SNRPD3: variants seen among roughly 807,000 people sequenced by gnomAD.
The protein encoded by SNRPD3 is small nuclear ribonucleoprotein Sm D3.
For missense variants in SNRPD3, 73 were observed against 167.5 expected (o/e 0.44, Z 3.11); for synonymous variants, 66 against 58.4 (o/e 1.13, Z -0.59).
Position 24,568,128 on chromosome 22 carries a change from C to G in SNRPD3, c.271C>G (p.Gln91Glu). ...GTTAAAGAGCATGAAAAATAAAAAC[C>G]AAGGCTCAGGGGCTGGCCGAGGAAA... ...PMLKSMKNKN[Q>E]GSGAGRGKAA... Residue 91 changes from glutamine (Q) to glutamate (E), a missense_variant, in exon 3 of 4, where the codon CAA becomes GAA. Physicochemically the swap from Gln to Glu is conservative, Grantham distance 29. Transcript: ENST00000215829. 6.2e-7 allele frequency: 1 copy of G among 1,614,006 alleles called. No homozygotes were observed. Among genetic ancestry groups the G allele is most frequent in the Non-Finnish European group, 8.5e-7 (1 of 1,179,954 alleles).
rs1330720526 is a variant in SNRPD3, at chr22:24,573,829, T to C, written c.*1852T>C. 6.6e-6 allele frequency among the ~76,000 whole-genome samples: 1 copy of C among 152,178 alleles called. No homozygotes were observed. Among genetic ancestry groups the C allele is most frequent in the East Asian group, 1.9e-4 (1 of 5,202 alleles). On this transcript the variant is annotated 3_prime_UTR_variant, in exon 4 of 4. Coordinates refer to ENST00000215829, the MANE Select transcript of SNRPD3 (RefSeq NM_004175.5). ...CCAGGAGATTAAGGCTGCAGTGAGCTATAATTGCACCACTGCACTCCAGCC... is the reference window on the plus strand; with the variant it reads ...CCAGGAGATTAAGGCTGCAGTGAGCCATAATTGCACCACTGCACTCCAGCC...
In SNRPD3 at chr22:24,572,623, C is replaced by A. The variant is rs1006541657; in HGVS notation, c.*646C>A. ...TAAAAATAAAAAAATTAGCCGGGTG[C>A]GGTGGCATGTACCTGTAGTCCCAGC... On this transcript the variant is annotated 3_prime_UTR_variant, in exon 4 of 4. Transcript: ENST00000215829. 1.8e-5 allele frequency: 3 copies of A among 164,780 alleles called. No homozygotes were observed. The highest frequency in any genetic ancestry group is 7.2e-5 in the African/African-American group (3 of 41,434). The allele number at this position is 164,780 out of a possible 1,614,324, so 10.2% of individuals were successfully genotyped here.
At chr22:24,563,387 A>C (rs1338467470) in intron 2 of SNRPD3, among the ~76,000 whole-genome samples, 2 of 152,028 alleles carry the variant, frequency 1.3e-5, no homozygotes, top group South Asian at 2.1e-4. Flanking sequence ...TTATCGGGTC[A>C]GAGGGTGTGC....
intron 2 of SNRPD3, among the ~76,000 whole-genome samples, chr22:24,558,747 G>A (rs2045104053): frequency 2.0e-5 from 3 of 152,336 alleles, no homozygotes; most frequent in Admixed American, 6.5e-5. Context: ...CTACAGCGTA[G>A]TTTTGAGGAA....
intron 2 of SNRPD3, 42 bp downstream of exon 2, chr22:24,557,842 C>A: frequency 6.3e-7 from 1 of 1,577,138 alleles, no homozygotes; most frequent in South Asian, 1.2e-5. Flanking sequence ...AGGAATGGCC[C>A]TGTGTCTTGA....
intron 2 of SNRPD3, among the ~76,000 whole-genome samples, chr22:24,567,673 G>A (rs2045208823): frequency 6.6e-6 from 1 of 152,054 alleles, no homozygotes; most frequent in Non-Finnish European, 1.5e-5. Context: ...TTGAACCCGG[G>A]AGGCAGAGGT....
At chr22:24,566,649 C>A (rs2045199187) in intron 2 of SNRPD3, among the ~76,000 whole-genome samples, 1 of 152,250 alleles carries the variant, frequency 6.6e-6, no homozygotes, top group African/African-American at 2.4e-5. Context: ...AAGATGGCAG[C>A]TAGCCAGACA....
chr22:24,572,157 G>C lies in SNRPD3; in HGVS notation c.*180G>C, dbSNP rs1335640154. ...TTCTGTTTTGTTTTGTTTTCTTTGA[G>C]AAAATAAGGACTTTGTGTTCATTTG... On this transcript the variant is annotated 3_prime_UTR_variant, in exon 4 of 4. Transcript: ENST00000215829. 1 of 1,241,140 alleles carries C rather than the reference G, an allele frequency of 8.1e-7. No individual in the cohort carries two copies. Among genetic ancestry groups the C allele is most frequent in the African/African-American group, 1.5e-5 (1 of 65,846 alleles). The allele number at this position is 1,241,140 out of a possible 1,614,324, so 76.9% of individuals were successfully genotyped here.
Position 24,571,601 on chromosome 22 carries a change from G to A in SNRPD3, c.320-315G>A, listed in dbSNP as rs552704746. On this transcript the variant is annotated intron_variant, in intron 3 of 3. Transcript: ENST00000215829. ...TAAAAATACAGGAAATTAGCCGGGCGTTGTGGTTCACGGCTGTAGTCCCAG... is the reference window on the plus strand; with the variant it reads ...TAAAAATACAGGAAATTAGCCGGGCATTGTGGTTCACGGCTGTAGTCCCAG... 2.6e-5 allele frequency among the ~76,000 whole-genome samples: 4 copies of A among 152,178 alleles called. No homozygotes were observed. In the South Asian group the frequency reaches 8.3e-4, roughly 32 times the overall value.
chr22:24,572,449 CTT>C lies in SNRPD3; in HGVS notation c.*474_*475del, dbSNP rs1159642766. The C allele has an allele frequency of 2.1e-5, 7 of 329,134 alleles. No individual in the cohort carries two copies. In the East Asian group the frequency reaches 5.1e-4, roughly 24 times the overall value. 20.4% of individuals were successfully genotyped at this position (329,134 alleles called of 1,614,324 possible). ...CTCAGCTTTAACAACACAGGTGACT[CTT>C]TCCCTTGATAAAGTCATAGGTAATT... On this transcript the variant is annotated 3_prime_UTR_variant, in exon 4 of 4. Transcript: ENST00000215829.
At chr22:24,557,863 AGT>A (rs2045094521) in intron 2 of SNRPD3, 63 bp downstream of exon 2, 2 of 1,517,466 alleles carry the variant, frequency 1.3e-6, no homozygotes, top group Non-Finnish European at 1.8e-6. Context: ...AGGACAGAAA[AGT>A]GTGTGTTGAG....
chr22:24,571,721 G>T (rs553685885), intron 3 of SNRPD3, among the ~76,000 whole-genome samples, 195 bp from the exon 4 acceptor site: 1 of 151,748 alleles, frequency 6.6e-6, no homozygotes, highest in African/African-American at 2.4e-5. Context: ...TCCAGCCTGG[G>T]TGACAGAGTG....
intron 1 of SNRPD3, 135 bp from the exon 2 acceptor site, chr22:24,557,522 T>TTTCCTTGG: frequency 4.8e-6 from 3 of 618,720 alleles, no homozygotes; most frequent in Non-Finnish European, 5.6e-6. Context: ...TTTTTTTTTT[T>TTTCCTTGG]TCCTTGGTAG....
chr22:24,571,851 T>C, intron 3 of SNRPD3, 65 bp from the exon 4 acceptor site: 1 of 1,557,580 alleles, frequency 6.4e-7, no homozygotes, highest in South Asian at 1.1e-5. Flanking sequence ...GGGCCCTGGC[T>C]ACTCTGTGCT....
At chr22:24,563,821 G>C (rs2045170809) in intron 2 of SNRPD3, among the ~76,000 whole-genome samples, 2 of 152,082 alleles carry the variant, frequency 1.3e-5, no homozygotes, top group South Asian at 2.1e-4. Context: ...TTGGAAAACT[G>C]GTCTCTGTAT....
chr22:24,562,323 C>T lies in SNRPD3; in HGVS notation c.126+4523C>T, dbSNP rs569152080. 2.1e-3 allele frequency among the ~76,000 whole-genome samples: 315 copies of T among 152,254 alleles called. 1 individual carries two copies. The highest frequency in any genetic ancestry group is 7.1e-3 in the African/African-American group (295 of 41,554). Reference sequence around the variant, plus strand: ...TTGGGAGGCTGAGGCGGGCAGATCACGAGGTCAGGAGATTGAGACCAGCCT... The same window carrying T: ...TTGGGAGGCTGAGGCGGGCAGATCATGAGGTCAGGAGATTGAGACCAGCCT... On this transcript the variant is annotated intron_variant, in intron 2 of 3. Transcript: ENST00000215829.
chr22:24,563,542 T>A (rs946118005), intron 2 of SNRPD3, among the ~76,000 whole-genome samples: 13 of 152,038 alleles, frequency 8.6e-5, no homozygotes, highest in African/African-American at 3.1e-4. Flanking sequence ...TTGGCATAAG[T>A]GAGAAAAATA....
chr22:24,564,238 C>T (rs1330358543), intron 2 of SNRPD3, among the ~76,000 whole-genome samples: 1 of 152,222 alleles, frequency 6.6e-6, no homozygotes, highest in Non-Finnish European at 1.5e-5. Flanking sequence ...CACCCCAACA[C>T]ACCTTCACAG....
rs2045274039 is a variant in SNRPD3, at chr22:24,574,537, T to C, written c.*2560T>C. Among the ~76,000 whole-genome samples the C allele has an allele frequency of 1.3e-5, 2 of 152,168 alleles. No individual in the cohort carries two copies. Among genetic ancestry groups the C allele is most frequent in the South Asian group, 4.1e-4 (2 of 4,828 alleles). ...ATGAACATGTTTTCATGACTATTCC[T>C]TGATGGTTTTTTGTTTGCTTGTTTT... On this transcript the variant is annotated 3_prime_UTR_variant, in exon 4 of 4. Coordinates refer to ENST00000215829, the MANE Select transcript of SNRPD3 (RefSeq NM_004175.5).
Sources: gnomAD v4.1 joint callset for allele counts (sites outside exome capture counted in the v4.1 genomes callset) on GRCh38, gnomAD v4.1.1 for gene constraint, MANE v1.5 for transcripts, NCBI Gene and HGNC (gene_info 2026-07-23, HGNC 2026-07-21) for gene names.